DDR2: variants seen among roughly 807,000 people sequenced by gnomAD.
The protein encoded by DDR2 is discoidin domain receptor tyrosine kinase 2, also known as discoidin domain-containing receptor 2.
Under a neutral mutation model 94.9 loss-of-function variants are expected in DDR2, and 27 were observed. The observed-to-expected ratio is 0.28, with a 90% confidence interval of 0.21 to 0.39. The LOEUF is 0.39. Among genes scored for constraint, DDR2 ranks in the 10% least tolerant of loss-of-function variants. DDR2 has a pLI of 1.00. For synonymous variants in DDR2, 382 were observed against 377.2 expected (o/e 1.01, Z -0.15); for missense variants, 783 against 1,076.0 (o/e 0.73, Z 3.81).
intron 1 of DDR2, among the ~76,000 whole-genome samples, chr1:162,637,355 G>A (rs1656877179): frequency 6.6e-6 from 1 of 151,896 alleles, no homozygotes. Context: ...AGTGGAGCAG[G>A]TGTTATGCCA....
chr1:162,682,158 G>A lies in DDR2; in HGVS notation c.-28+26784G>A, dbSNP rs576322080. On this transcript the variant is annotated intron_variant, in intron 2 of 17. Coordinates refer to ENST00000367921, the MANE Select transcript of DDR2 (RefSeq NM_006182.4). ...AACCCACAGTGAGAGTGGAGGGTGG[G>A]GGTCCATGTTTATCTTGGTGGGCCT... is the stretch of plus-strand genomic sequence containing the variant. 5.9e-5 allele frequency among the ~76,000 whole-genome samples: 9 copies of A among 152,230 alleles called. No homozygotes were observed. In the South Asian group the frequency reaches 1.9e-3, roughly 32 times the overall value.
Position 162,770,521 on chromosome 1 carries a change from G to GA in DDR2, c.1504+10dup. ...AGGGGAGGAGGAGTCAGGTGAGGAT[G>GA]ATGTGGTGGGCAGGGTGTCAAGGGA... On this transcript the variant is annotated intron_variant, in intron 12 of 17. Transcript: ENST00000367921. 1 of 1,613,940 alleles carries GA rather than the reference G, an allele frequency of 6.2e-7. No individual in the cohort carries two copies. Among genetic ancestry groups the GA allele is most frequent in the South Asian group, 1.1e-5 (1 of 91,056 alleles).
At chr1:162,722,606 G>A (rs1354910464) in intron 3 of DDR2, among the ~76,000 whole-genome samples, 1 of 152,132 alleles carries the variant, frequency 6.6e-6, no homozygotes, top group Non-Finnish European at 1.5e-5. Context: ...ACAGATGATT[G>A]GAATGTTATT....
At chr1:162,648,322 A>T (rs576334095) in intron 1 of DDR2, among the ~76,000 whole-genome samples, 198 of 152,304 alleles carry the variant, frequency 1.3e-3, no homozygotes, top group African/African-American at 4.5e-3. Context: ...TGGAACAGAC[A>T]CTTGGCAGTC....
rs1246921510 is a variant in DDR2 at position 162,632,543 on chromosome 1, C to T, written c.-280C>T. The T allele has an allele frequency of 6.6e-6, 1 of 152,196 alleles. No individual in the cohort carries two copies. Among genetic ancestry groups the T allele is most frequent in the African/African-American group, 2.4e-5 (1 of 41,458 alleles). The allele number at this position is 152,196 out of a possible 1,614,324, so 9.4% of individuals were successfully genotyped here. A position where few individuals can be genotyped will look rare whatever the true frequency, so the allele number is the denominator to read the frequency against. On this transcript the variant is annotated 5_prime_UTR_variant, in exon 1 of 18. Transcript: ENST00000367921. Reference sequence around the variant, plus strand: ...CAGCAAAGTGGAAAAAGAAGCGTTTCACAACAAATTCTTCTTTTTGGGTTG... The same window carrying T: ...CAGCAAAGTGGAAAAAGAAGCGTTTTACAACAAATTCTTCTTTTTGGGTTG...
chr1:162,770,401 C>A lies in DDR2; in HGVS notation c.1393C>A (p.Gln465Lys). Residue 465 changes from glutamine (Q) to lysine (K), a missense_variant, in exon 12 of 18, where the codon CAA becomes AAA. Transcript: ENST00000367921. ...NNNRSSSPSE[Q>K]GSNSTYDRIF... ...TAACCGCTCCTCATCACCTAGTGAA[C>A]AAGGGTCCAACTCGACTTACGATCG... is the stretch of plus-strand genomic sequence containing the variant. 1 of 1,614,136 alleles carries A rather than the reference C, an allele frequency of 6.2e-7. No individual in the cohort carries two copies. Among genetic ancestry groups the A allele is most frequent in the Non-Finnish European group, 8.5e-7 (1 of 1,180,024 alleles).
intron 15 of DDR2, 32 bp from the exon 16 acceptor site, chr1:162,776,104 G>A (rs745360657): frequency 5.1e-6 from 8 of 1,573,118 alleles, no homozygotes; most frequent in Middle Eastern, 1.7e-4. Context: ...GTTTCCATAG[G>A]CTACCTTCTG....
intron 1 of DDR2, among the ~76,000 whole-genome samples, chr1:162,650,945 T>A (rs1381494544): frequency 6.6e-6 from 1 of 152,146 alleles, no homozygotes; most frequent in African/African-American, 2.4e-5. Flanking sequence ...GCCAAGGTGG[T>A]CTTGAACTCC....
chr1:162,701,497 C>T (rs1428876773), intron 2 of DDR2, among the ~76,000 whole-genome samples: 9 of 152,234 alleles, frequency 5.9e-5, no homozygotes, highest in Non-Finnish European at 1.2e-4. Flanking sequence ...GTAGCTCTTT[C>T]AGCTCATGAG....
chr1:162,670,004 C>T (rs531150575), intron 2 of DDR2, among the ~76,000 whole-genome samples: 4 of 151,970 alleles, frequency 2.6e-5, no homozygotes, highest in African/African-American at 4.8e-5. Context: ...ACTAATAACA[C>T]GTTTTTAAAA....
In DDR2 at chr1:162,761,211, G is replaced by C. The variant is rs747825000; in HGVS notation, c.856G>C (p.Val286Leu). The C allele has an allele frequency of 1.9e-6, 3 of 1,614,064 alleles. No individual in the cohort carries two copies. The highest frequency in any genetic ancestry group is 8.5e-7 in the Non-Finnish European group (1 of 1,179,990). Reference protein sequence around the residue: ...DRIRNFTTMKVHCNNMFAKGV... With the variant: ...DRIRNFTTMKLHCNNMFAKGV... ...ACTCACATGCCTCTTTCTCTACCAG[G>C]TCCACTGCAACAACATGTTTGCTAA... Residue 286 changes from valine (V) to leucine (L), a missense_variant and splice_region_variant, in exon 9 of 18, where the codon GTC (valine) becomes CTC (leucine). By Grantham distance (32) the Val-to-Leu change is conservative. Around this residue, in one of 2 missense-constraint regions of DDR2, gnomAD observed 519 missense variants for 647.9 expected, o/e 0.80. Coordinates refer to ENST00000367921, the MANE Select transcript of DDR2 (RefSeq NM_006182.4).
chr1:162,780,445 A>C lies in DDR2; in HGVS notation c.*199A>C. On this transcript the variant is annotated 3_prime_UTR_variant, in exon 18 of 18. Coordinates refer to ENST00000367921, the MANE Select transcript of DDR2 (RefSeq NM_006182.4). ...CTTTTTTTTTTTTTTACATTAAAGAACTAAAAAAGGAAAAAAAAAAGCCTA... is the reference window on the plus strand; with the variant it reads ...CTTTTTTTTTTTTTTACATTAAAGACCTAAAAAAGGAAAAAAAAAAGCCTA... 2.9e-6 allele frequency: 2 copies of C among 686,104 alleles called. No individual in the cohort carries two copies. The highest frequency in any genetic ancestry group is 2.3e-6 in the Non-Finnish European group (1 of 431,148). 42.5% of individuals were successfully genotyped at this position (686,104 alleles called of 1,614,324 possible).
chr1:162,752,648 T>G (rs548909102), intron 3 of DDR2, among the ~76,000 whole-genome samples: 18 of 152,324 alleles, frequency 1.2e-4, no homozygotes, highest in African/African-American at 4.3e-4. Context: ...GTAGTTTCTT[T>G]ATAGTTTTTA....
intron 2 of DDR2, among the ~76,000 whole-genome samples, chr1:162,707,453 A>T (rs1354172461): frequency 1.3e-5 from 2 of 152,056 alleles, no homozygotes; most frequent in African/African-American, 4.8e-5. Flanking sequence ...GCAATTTTTC[A>T]TGATTGCTTG....
rs75506487 is a variant in DDR2 at position 162,723,105 on chromosome 1, A to G, written c.82+3960A>G. On this transcript the variant is annotated intron_variant, in intron 3 of 17. Transcript: ENST00000367921. ...AATGCAGAAACCCTGCCCCAGCCTA[A>G]CCTGCAGGAGAGTCATAGTGCTACA... Among the ~76,000 whole-genome samples, 405 of 152,258 alleles carry G rather than the reference A, an allele frequency of 2.7e-3. 1 individual carries two copies. Among genetic ancestry groups the G allele is most frequent in the African/African-American group, 9.3e-3 (386 of 41,552 alleles).
chr1:162,712,994 G>A (rs1409609111), intron 2 of DDR2, among the ~76,000 whole-genome samples: 1 of 152,188 alleles, frequency 6.6e-6, no homozygotes, highest in African/African-American at 2.4e-5. Context: ...GCACCAGCCA[G>A]ACCAGGTAAA....
intron 2 of DDR2, among the ~76,000 whole-genome samples, chr1:162,708,645 G>T (rs768151648): frequency 2.0e-5 from 3 of 152,176 alleles, no homozygotes; most frequent in South Asian, 2.1e-4. Context: ...TGGTTCATAG[G>T]AAACTGCTTG....
chr1:162,743,864 C>T (rs1662724138), intron 3 of DDR2, among the ~76,000 whole-genome samples: 1 of 152,230 alleles, frequency 6.6e-6, no homozygotes, highest in African/African-American at 2.4e-5. Context: ...TATGATTCCT[C>T]TGGCCGCTCC....
chr1:162,700,974 G>T (rs1660402241), intron 2 of DDR2, among the ~76,000 whole-genome samples: 1 of 151,906 alleles, frequency 6.6e-6, no homozygotes, highest in Non-Finnish European at 1.5e-5. Context: ...GCAGTGCTCA[G>T]GAGAAACATT....
Sources: gnomAD v4.1 joint callset for allele counts (sites outside exome capture counted in the v4.1 genomes callset) on GRCh38, gnomAD v4.1.1 for gene constraint, gnomAD v4.1.1 regional missense constraint, MANE v1.5 for transcripts, NCBI Gene and HGNC (gene_info 2026-07-23, HGNC 2026-07-21) for gene names.